E2F7: variants seen among roughly 807,000 people sequenced by gnomAD.
E2F7 encodes the protein E2F transcription factor 7.
A neutral mutation model predicts 81.1 loss-of-function variants in E2F7; 35 were observed. The observed-to-expected ratio is 0.43, with a 90% CI of 0.33 to 0.57. The LOEUF (loss-of-function observed/expected upper bound fraction) is 0.57, where lower values mean the gene tolerates loss of function less well. Ranked by LOEUF, E2F7 falls within the 20% of genes least tolerant of loss-of-function variation. The pLI, the probability that E2F7 is intolerant of heterozygous loss-of-function variation, is 0.04. For missense variants in E2F7, 961 were observed against 1,093.7 expected (o/e 0.88, Z 1.71); for synonymous variants, 416 against 416.2 (o/e 1.00, Z 0.01).
chr12:77,046,431 C>A, intron 4 of E2F7, 103 bp from the exon 5 acceptor site: 2 of 1,274,240 alleles, frequency 1.6e-6, no homozygotes, highest in African/African-American at 1.5e-5. Flanking sequence ...TTGTCTGATC[C>A]CCAATATAAT....
chr12:77,061,860 A>G (rs987818196), intron 2 of E2F7, among the ~76,000 whole-genome samples: 18 of 152,222 alleles, frequency 1.2e-4, no homozygotes, highest in African/African-American at 4.3e-4. Flanking sequence ...ACTTCTGCCT[A>G]AAATGTCCAT....
At position 77,046,466 on chromosome 12, in the gene E2F7, A is replaced by T. The variant is rs566698006; in HGVS notation, c.539-138T>A. The T allele has an allele frequency of 9.1e-6, 8 of 880,418 alleles. No homozygotes were observed. The African/African-American group carries it at 1.4e-4, about 15-fold the overall frequency. 54.5% of individuals were successfully genotyped at this position (880,418 alleles called of 1,614,324 possible). On this transcript the variant is annotated intron_variant, in intron 4 of 12. Transcript: ENST00000322886. ...TGCCCACTGCGTGGATGCTCAAGGAATTCAACCTGTAAGGATGCAAGCAAT... is the reference window on the plus strand; with the variant it reads ...TGCCCACTGCGTGGATGCTCAAGGATTTCAACCTGTAAGGATGCAAGCAAT...
chr12:77,048,492 C>G (rs370402890), intron 4 of E2F7, among the ~76,000 whole-genome samples: 3 of 152,272 alleles, frequency 2.0e-5, no homozygotes, highest in East Asian at 3.9e-4. Context: ...CCCATGATAT[C>G]CAGTGTTAAA....
At chr12:77,030,481 T>A in intron 9 of E2F7, 149 bp from the exon 10 acceptor site, 1 of 1,002,626 alleles carries the variant, frequency 1.0e-6, no homozygotes, top group Admixed American at 3.0e-5. Context: ...TGTTAGCTCA[T>A]CCCAGAGTTA....
At chr12:77,026,512 G>C (rs752633315) in intron 11 of E2F7, among the ~76,000 whole-genome samples, 1 of 151,798 alleles carries the variant, frequency 6.6e-6, no homozygotes, top group African/African-American at 2.4e-5. Flanking sequence ...TATGTTGCCC[G>C]GCTGGTGTCA....
At position 77,022,720 on chromosome 12, in the gene E2F7, G is replaced by A. The variant is rs939166001; in HGVS notation, c.*1295C>T. 1 of 152,296 alleles carries A rather than the reference G, an allele frequency of 6.6e-6. No individual in the cohort carries two copies. The highest frequency in any genetic ancestry group is 2.4e-5 in the African/African-American group (1 of 41,402). 9.4% of individuals were successfully genotyped at this position (152,296 alleles called of 1,614,324 possible). On this transcript the variant is annotated 3_prime_UTR_variant, in exon 13 of 13. Coordinates refer to ENST00000322886, the MANE Select transcript of E2F7 (RefSeq NM_203394.3). ...ATTTACTCTGAAGAGACAAGAGAGA[G>A]GTAAATATCAGCAAGTCTAGGAATA...
chr12:77,034,037 C>A lies in E2F7; in HGVS notation c.1129G>T (p.Glu377Ter). The A allele has an allele frequency of 6.2e-7, 1 of 1,611,444 alleles. No individual in the cohort carries two copies. Among genetic ancestry groups the A allele is most frequent in the Non-Finnish European group, 8.5e-7 (1 of 1,179,008 alleles). ...ACAGATGCAGAAACATCCACCAGTT[C>A]TTCATCTACATAAACGAGAGAATTG... ...GPVDFSSSDEELVDVSASVLP... is the reference protein window; with the variant it reads ...GPVDFSSSDE Residue 377 changes from glutamate (E) to a stop codon, truncating the protein, a stop_gained, in exon 8 of 13, where the codon GAA becomes TAA. Transcript: ENST00000322886. LOFTEE classifies it high-confidence loss of function.
intron 8 of E2F7, among the ~76,000 whole-genome samples, chr12:77,033,429 T>G (rs973755919): frequency 7.2e-5 from 11 of 152,108 alleles, no homozygotes; most frequent in African/African-American, 2.7e-4. Context: ...GGAGGACTCT[T>G]TAAGTCTGAG....
intron 7 of E2F7, among the ~76,000 whole-genome samples, chr12:77,034,524 T>C (rs142476447): frequency 5.3e-5 from 8 of 152,352 alleles, no homozygotes; most frequent in Non-Finnish European, 1.0e-4. Flanking sequence ...TATTTCTTTC[T>C]TATGCAGTAG....
intron 2 of E2F7, among the ~76,000 whole-genome samples, chr12:77,059,550 C>T (rs1955061880): frequency 6.6e-6 from 1 of 152,206 alleles, no homozygotes; most frequent in South Asian, 2.1e-4. Context: ...TCTCTTCAGA[C>T]ATGACTCATT....
At chr12:77,028,227 C>G in intron 10 of E2F7, 89 bp from the exon 11 acceptor site, 3 of 1,489,368 alleles carry the variant, frequency 2.0e-6, no homozygotes, top group Non-Finnish European at 2.7e-6. Flanking sequence ...GAGTCTCACT[C>G]TGTTGCCCAA....
intron 2 of E2F7, among the ~76,000 whole-genome samples, chr12:77,063,119 G>C (rs1955090984): frequency 6.6e-6 from 1 of 152,146 alleles, no homozygotes; most frequent in South Asian, 2.1e-4. Flanking sequence ...GATACTACCT[G>C]CTCGAGCAGC....
At chr12:77,044,444 G>C (rs1752797313) in intron 6 of E2F7, 193 bp downstream of exon 6, 1 of 647,662 alleles carries the variant, frequency 1.5e-6, no homozygotes, top group African/African-American at 1.8e-5. Flanking sequence ...AAAAGGCACT[G>C]ACAGGACTCT....
chr12:77,025,631 G>T lies in E2F7; in HGVS notation c.2492C>A (p.Ser831Ter). Residue 831 changes from serine (S) to a stop codon, truncating the protein, a stop_gained, in exon 12 of 13, where the codon TCA (serine) becomes TAA (stop). Transcript: ENST00000322886. LOFTEE classifies it high-confidence loss of function. The stretch of plus-strand genomic sequence containing the variant: ...CTCAGGTTGTTGGACGACACTGTGT[G>T]ACCTTGACATCACTGGACTTAGGTT... ...SLNLSPVMSR[S>*]HSVVQQPESP... 1.9e-6 allele frequency: 3 copies of T among 1,614,206 alleles called. No homozygotes were observed. The highest frequency in any genetic ancestry group is 2.5e-6 in the Non-Finnish European group (3 of 1,180,042).
chr12:77,022,711 CAA>C lies in E2F7; in HGVS notation c.*1302_*1303del, dbSNP rs1954723262. 6.6e-6 allele frequency: 1 copy of C among 152,274 alleles called. No homozygotes were observed. The highest frequency in any genetic ancestry group is 1.5e-5 in the Non-Finnish European group (1 of 67,982). 9.4% of individuals were successfully genotyped at this position (152,274 alleles called of 1,614,324 possible). A position where few individuals can be genotyped will look rare whatever the true frequency, so the allele number is the denominator to read the frequency against. Reference sequence around the variant, plus strand: ...AAGGGAACCATTTACTCTGAAGAGACAAGAGAGAGGTAAATATCAGCAAGTCT... The same window carrying C: ...AAGGGAACCATTTACTCTGAAGAGACGAGAGAGGTAAATATCAGCAAGTCT... On this transcript the variant is annotated 3_prime_UTR_variant, in exon 13 of 13. Coordinates refer to ENST00000322886, the MANE Select transcript of E2F7 (RefSeq NM_203394.3).
At chr12:77,041,101 T>C (rs1208877066) in intron 7 of E2F7, among the ~76,000 whole-genome samples, 1 of 152,212 alleles carries the variant, frequency 6.6e-6, no homozygotes, top group Non-Finnish European at 1.5e-5. Flanking sequence ...AGTCTTTCTC[T>C]CATGTCAAAT....
intron 5 of E2F7, 66 bp from the exon 6 acceptor site, chr12:77,044,861 G>T: frequency 6.4e-7 from 1 of 1,559,038 alleles, no homozygotes. Context: ...TATACTTGCA[G>T]CTTGCCAAAA....
At chr12:77,028,448 TC>T (rs1414205415) in intron 10 of E2F7, among the ~76,000 whole-genome samples, 1 of 151,088 alleles carries the variant, frequency 6.6e-6, no homozygotes, top group Non-Finnish European at 1.5e-5. Flanking sequence ...CGTCTCAGCC[TC>T]CCAAAGTACT....
intron 2 of E2F7, among the ~76,000 whole-genome samples, chr12:77,057,688 A>G (rs1007179370): frequency 6.6e-6 from 1 of 152,224 alleles, no homozygotes; most frequent in African/African-American, 2.4e-5. Context: ...TATAGAATCC[A>G]CCTTTGGAAC....
Sources: allele counts gnomAD v4.1 joint callset (sites outside exome capture counted in the v4.1 genomes callset), GRCh38; gene constraint gnomAD v4.1.1; transcripts MANE v1.5; gene names NCBI Gene and HGNC (gene_info 2026-07-23, HGNC 2026-07-21).